Variants in UNK observed in about 807,000 individuals in gnomAD.
The protein encoded by UNK is RING finger protein unkempt homolog.
UNK carries 32 observed loss-of-function variants against 97.6 expected under a neutral mutation model. The observed-to-expected ratio is 0.33, with a 90% CI of 0.25 to 0.44. The LOEUF is 0.44. Ranked by LOEUF, UNK falls within the 20% of genes least tolerant of loss-of-function variation. UNK has a pLI of 1.00. For synonymous variants in UNK, 441 were observed against 461.2 expected (o/e 0.96, Z 0.56); for missense variants, 771 against 1,098.4 (o/e 0.70, Z 4.21).
At chr17:75,812,926 G>A (rs2061983472) in intron 4 of UNK, among the ~76,000 whole-genome samples, 152 bp from the exon 5 acceptor site, 1 of 152,220 alleles carries the variant, frequency 6.6e-6, no homozygotes, top group Non-Finnish European at 1.5e-5. Flanking sequence ...CTGTCCCATG[G>A]CCTGGGAGGA....
chr17:75,789,175 A>G (rs1406050125), intron 1 of UNK, among the ~76,000 whole-genome samples: 1 of 152,170 alleles, frequency 6.6e-6, no homozygotes. Flanking sequence ...CCTTTCAGCA[A>G]ATTGGTGTAG....
At position 75,822,669 on chromosome 17, in the gene UNK, C is replaced by G. The variant is rs1462222703; in HGVS notation, c.2019+11C>G. 22 of 1,584,402 alleles carry G rather than the reference C, an allele frequency of 1.4e-5. No individual in the cohort carries two copies. Among genetic ancestry groups the G allele is most frequent in the Non-Finnish European group, 1.8e-5 (21 of 1,162,638 alleles). On this transcript the variant is annotated intron_variant, in intron 14 of 15. Transcript: ENST00000589666. Reference sequence around the variant, plus strand: ...AAGCAGGCCAAGCAGGTACCAGGCCCCGTGCCTGCCGGCCTTCCCCAGTGC... The same window carrying G: ...AAGCAGGCCAAGCAGGTACCAGGCCGCGTGCCTGCCGGCCTTCCCCAGTGC...
At chr17:75,802,344 A>C (rs1256146814) in intron 1 of UNK, among the ~76,000 whole-genome samples, 1 of 134,650 alleles carries the variant, frequency 7.4e-6, no homozygotes, top group African/African-American at 2.8e-5. Flanking sequence ...CTGCAACCTC[A>C]AACTCTTGGG....
chr17:75,813,028 G>A lies in UNK; in HGVS notation c.623-50G>A, dbSNP rs1382879486. 2.6e-6 allele frequency: 4 copies of A among 1,532,958 alleles called. 1 individual carries two copies. Among genetic ancestry groups the A allele is most frequent in the South Asian group, 2.4e-5 (2 of 82,536 alleles). 95.0% of individuals were successfully genotyped at this position (1,532,958 alleles called of 1,614,324 possible). A position where few individuals can be genotyped will look rare whatever the true frequency, so the allele number is the denominator to read the frequency against. Reference sequence around the variant, plus strand: ...TCCACTCCAGTCCTGCTAGTCTTGGGGTGCTCCAGCTCCTCTCACCTGACC... The same window carrying A: ...TCCACTCCAGTCCTGCTAGTCTTGGAGTGCTCCAGCTCCTCTCACCTGACC... On this transcript the variant is annotated intron_variant, in intron 4 of 15. Coordinates refer to ENST00000589666, the MANE Select transcript of UNK (RefSeq NM_001080419.3).
chr17:75,808,998 C>CA (rs2061943386), intron 1 of UNK: 1 of 151,528 alleles, frequency 6.6e-6, no homozygotes, highest in South Asian at 2.1e-4. Flanking sequence ...CAAAAGGAGA[C>CA]AGCTTCATGC....
chr17:75,785,082 T>G, intron 1 of UNK, 98 bp downstream of exon 1: 16 of 657,028 alleles, frequency 2.4e-5, no homozygotes, highest in East Asian at 3.7e-5. Flanking sequence ...GGCCTCTTCC[T>G]CCCCCCCTTC....
chr17:75,800,882 T>A (rs993217323), intron 1 of UNK, among the ~76,000 whole-genome samples: 3 of 152,008 alleles, frequency 2.0e-5, no homozygotes, highest in African/African-American at 7.2e-5. Flanking sequence ...TTGCTTCTCA[T>A]TGCTGCACGT....
rs551398417 is a variant in UNK at position 75,809,706 on chromosome 17, C to G, written c.105-54C>G. ...TGGCGGCTAACTTCTTGCTGGGAAGCAAGAGACTTCATTCTCTGCTCCCGG... is the reference window on the plus strand; with the variant it reads ...TGGCGGCTAACTTCTTGCTGGGAAGGAAGAGACTTCATTCTCTGCTCCCGG... On this transcript the variant is annotated intron_variant, in intron 1 of 15. Transcript: ENST00000589666. 4.5e-6 allele frequency: 7 copies of G among 1,541,224 alleles called. No homozygotes were observed. In the South Asian group the frequency reaches 8.3e-5, roughly 18 times the overall value.
chr17:75,795,650 T>C (rs1330549041), intron 1 of UNK, among the ~76,000 whole-genome samples: 1 of 152,074 alleles, frequency 6.6e-6, no homozygotes, highest in Non-Finnish European at 1.5e-5. Context: ...CAGAAAAACT[T>C]TGGATAAAGT....
chr17:75,814,867 C>T (rs367578184), intron 6 of UNK, among the ~76,000 whole-genome samples: 2 of 152,294 alleles, frequency 1.3e-5, no homozygotes, highest in East Asian at 1.9e-4. Context: ...CCAGGAGGCA[C>T]GCTTGGAGGC....
Position 75,817,625 on chromosome 17 carries a change from G to A in UNK, c.1305+99G>A. ...TGGTCCAGCTACGGGGAGGATGACT[G>A]GGAGCTAGGACTCCACTGTCCTCGG... is the stretch of plus-strand genomic sequence containing the variant. On this transcript the variant is annotated intron_variant, in intron 9 of 15. Coordinates refer to ENST00000589666, the MANE Select transcript of UNK (RefSeq NM_001080419.3). This position sits in a 1 kb window ranked among gnomAD's most constrained non-coding sequence, Gnocchi z 5.8. 2 of 1,298,596 alleles carry A rather than the reference G, an allele frequency of 1.5e-6. No homozygotes were observed. Among genetic ancestry groups the A allele is most frequent in the Non-Finnish European group, 1.1e-6 (1 of 948,826 alleles). The allele number at this position is 1,298,596 out of a possible 1,614,324, so 80.4% of individuals were successfully genotyped here.
At chr17:75,792,108 C>T (rs1461369431) in intron 1 of UNK, 1 of 969,664 alleles carries the variant, frequency 1.0e-6, no homozygotes, top group Non-Finnish European at 1.2e-6. Flanking sequence ...CAGCACACAT[C>T]TGCAGGCTTT....
chr17:75,811,420 G>A (rs1009308215), intron 2 of UNK, among the ~76,000 whole-genome samples: 8 of 152,112 alleles, frequency 5.3e-5, no homozygotes, highest in African/African-American at 1.7e-4. Flanking sequence ...TCTTTCTCAC[G>A]GAGGCCCAAG....
rs11335367 is a variant in UNK, at chr17:75,784,994, G to GCCCCCCCCCCCCCCC, written c.104+23_104+24insCCCCCCCCCCCCCCC. On this transcript the variant is annotated intron_variant, in intron 1 of 15. Transcript: ENST00000589666. ...AACCGCAGCACTACACGTACGTAGA[G>GCCCCCCCCCCCCCCC]CCCCCCCCCCCCCGCCGCGCGCGCA... 7.1e-6 allele frequency: 7 copies of GCCCCCCCCCCCCCCC among 987,916 alleles called. No homozygotes were observed. Among genetic ancestry groups the GCCCCCCCCCCCCCCC allele is most frequent in the African/African-American group, 2.2e-5 (1 of 44,700 alleles). 61.2% of individuals were successfully genotyped at this position (987,916 alleles called of 1,614,324 possible).
intron 2 of UNK, 60 bp from the exon 3 acceptor site, chr17:75,812,052 A>T: frequency 6.6e-7 from 1 of 1,515,298 alleles, no homozygotes; most frequent in Non-Finnish European, 8.9e-7. Context: ...GGCAGGGGGT[A>T]GGCAGGGAAG....
Position 75,816,783 on chromosome 17 carries a change from T to TGAC in UNK, c.979_981dup (p.Asp327dup). ...TGACTCTTGCAGAGCCACCCCTGAG[T>TGAC]GACGACCTGCAGCCTTCCTCAGCTG... On this transcript the variant is annotated inframe_insertion, in exon 8 of 16. Coordinates refer to ENST00000589666, the MANE Select transcript of UNK (RefSeq NM_001080419.3). This position sits in a 1 kb window ranked among gnomAD's most constrained non-coding sequence, Gnocchi z 4.0. The TGAC allele has an allele frequency of 6.2e-7, 1 of 1,603,308 alleles. No homozygotes were observed. Among genetic ancestry groups the TGAC allele is most frequent in the South Asian group, 1.1e-5 (1 of 90,916 alleles).
rs2062030694 is a variant in UNK, at chr17:75,817,817, G to C, written c.1306-286G>C. ...CTGCCCTGAACTGCCTTCATGGAAA[G>C]ACAGGGCCTGGGGAAGCAGGACACA... On this transcript the variant is annotated intron_variant, in intron 9 of 15. Coordinates refer to ENST00000589666, the MANE Select transcript of UNK (RefSeq NM_001080419.3). This position sits in a 1 kb window ranked among gnomAD's most constrained non-coding sequence, Gnocchi z 5.8. 6.6e-6 allele frequency among the ~76,000 whole-genome samples: 1 copy of C among 152,154 alleles called. No individual in the cohort carries two copies. The highest frequency in any genetic ancestry group is 1.5e-5 in the Non-Finnish European group (1 of 68,014).
At chr17:75,807,078 C>T (rs2061925001) in intron 1 of UNK, among the ~76,000 whole-genome samples, 1 of 152,190 alleles carries the variant, frequency 6.6e-6, no homozygotes, top group Admixed American at 6.5e-5. Context: ...CCCCTGTCCT[C>T]GGGGACCTTT....
intron 1 of UNK, 22 bp downstream of exon 1, chr17:75,785,006 C>CGG: frequency 7.3e-7 from 1 of 1,361,030 alleles, no homozygotes; most frequent in Non-Finnish European, 9.6e-7. Flanking sequence ...CCCCCCCCCC[C>CGG]CGCCGCGCGC....
Sources: allele counts gnomAD v4.1 joint callset (sites outside exome capture counted in the v4.1 genomes callset), GRCh38; gene constraint gnomAD v4.1.1; non-coding constraint Gnocchi (gnomAD v3.1); transcripts MANE v1.5; gene names NCBI Gene and HGNC (gene_info 2026-07-23, HGNC 2026-07-21).